The following INSR variants were observed in gnomAD, a reference collection of about 807,000 sequenced individuals.
The protein encoded by INSR is insulin receptor, also known as IR.
INSR carries 67 observed loss-of-function variants against 142.6 expected under a neutral mutation model. The observed-to-expected ratio is 0.47, with a 90% confidence interval of 0.39 to 0.58. The LOEUF is 0.58. Among genes scored for constraint, INSR ranks in the 20% least tolerant of loss-of-function variants. The pLI, the probability that INSR is intolerant of heterozygous loss-of-function variation, is 0.00. For synonymous variants in INSR, 756 were observed against 743.1 expected, an observed-to-expected ratio of 1.02 and a Z score of -0.28; for missense variants, 1,248 against 1,833.2, an observed-to-expected ratio of 0.68 and a Z score of 5.83.
At chr19:7,253,002 C>A (rs1976776285) in intron 2 of INSR, among the ~76,000 whole-genome samples, 1 of 151,858 alleles carries the variant, frequency 6.6e-6, no homozygotes, top group Non-Finnish European at 1.5e-5. Flanking sequence ...GTAGTCCCAG[C>A]TACTCAGGAG....
intron 13 of INSR, among the ~76,000 whole-genome samples, chr19:7,132,548 A>G (rs907079056): frequency 1.3e-4 from 20 of 152,026 alleles, no homozygotes; most frequent in Non-Finnish European, 2.8e-4. Context: ...CAGACTTCCT[A>G]AGCCAGAAGC....
At chr19:7,149,935 A>AGG (rs1447141389) in intron 11 of INSR, among the ~76,000 whole-genome samples, 66 of 135,510 alleles carry the variant, frequency 4.9e-4, no homozygotes, top group East Asian at 3.1e-3. Flanking sequence ...GAAAAAAAGA[A>AGG]AGAAGGAAGG....
intron 2 of INSR, among the ~76,000 whole-genome samples, chr19:7,260,244 TC>T (rs1341098491): frequency 6.6e-6 from 1 of 152,112 alleles, no homozygotes; most frequent in Non-Finnish European, 1.5e-5. Context: ...GCTTTCAGCC[TC>T]CCCCTCCTGC....
intron 1 of INSR, among the ~76,000 whole-genome samples, chr19:7,279,229 G>A (rs192301656): frequency 1.3e-5 from 2 of 152,102 alleles, no homozygotes; most frequent in Admixed American, 6.6e-5. Context: ...GGAGGCTGAC[G>A]CAGGAGGATC....
intron 2 of INSR, among the ~76,000 whole-genome samples, chr19:7,229,280 T>G (rs912654667): frequency 2.6e-5 from 3 of 117,630 alleles, no homozygotes; most frequent in African/African-American, 9.7e-5. Flanking sequence ...GATGGGCAGA[T>G]GAGCAAGTGG....
At chr19:7,173,810 C>G (rs763517497) in intron 4 of INSR, among the ~76,000 whole-genome samples, 2 of 151,600 alleles carry the variant, frequency 1.3e-5, no homozygotes, top group Non-Finnish European at 2.9e-5. Flanking sequence ...TTAGTAGAGA[C>G]AGGGTTTCAC....
chr19:7,287,611 T>C (rs929069079), intron 1 of INSR, among the ~76,000 whole-genome samples: 1 of 152,172 alleles, frequency 6.6e-6, no homozygotes, highest in Non-Finnish European at 1.5e-5. Context: ...TTTAAATAAA[T>C]ACACATGGCT....
chr19:7,219,374 T>C (rs2145093921), intron 2 of INSR, among the ~76,000 whole-genome samples: 1 of 151,822 alleles, frequency 6.6e-6, no homozygotes, highest in East Asian at 1.9e-4. Context: ...CTTCACATGT[T>C]GCTCTGATTG....
chr19:7,253,362 C>A (rs1976794273), intron 2 of INSR, among the ~76,000 whole-genome samples: 1 of 152,070 alleles, frequency 6.6e-6, no homozygotes, highest in Non-Finnish European at 1.5e-5. Context: ...CCTCAGCCCC[C>A]CGAGTAGCTG....
At chr19:7,202,689 C>T (rs11881212) in intron 2 of INSR, among the ~76,000 whole-genome samples, 3 of 151,952 alleles carry the variant, frequency 2.0e-5, no homozygotes, top group Non-Finnish European at 2.9e-5. Context: ...TTAGTAGAGA[C>T]GGGGTTTCAC....
chr19:7,257,679 AG>A (rs1243450599), intron 2 of INSR, among the ~76,000 whole-genome samples: 4 of 151,854 alleles, frequency 2.6e-5, no homozygotes, highest in Non-Finnish European at 5.9e-5. Flanking sequence ...GAAGGAAGAA[AG>A]GAAGGAGGGA....
chr19:7,143,224 T>G, intron 11 of INSR, 134 bp from the exon 12 acceptor site: 1 of 957,720 alleles, frequency 1.0e-6, no homozygotes, highest in East Asian at 2.5e-5. Context: ...GGAACATGGA[T>G]TACAATACAG....
intron 1 of INSR, chr19:7,268,659 A>G: frequency 1.0e-6 from 1 of 957,228 alleles, no homozygotes; most frequent in Non-Finnish European, 1.2e-6. Context: ...AGAAGAAGTG[A>G]AACAACTCAG....
chr19:7,167,941 C>T (rs2144943445), intron 7 of INSR, 27 bp downstream of exon 7: 1 of 1,613,620 alleles, frequency 6.2e-7, no homozygotes, highest in East Asian at 2.2e-5. Flanking sequence ...CTCGCCTCCT[C>T]AGCGTCTCTC....
At position 7,117,090 on chromosome 19, in the gene INSR, C is replaced by T. The variant is rs757977053; in HGVS notation, c.4115G>A (p.Arg1372Gln). 10 of 1,613,994 alleles carry T rather than the reference C, an allele frequency of 6.2e-6. No homozygotes were observed. The East Asian group carries it at 1.3e-4, about 22-fold the overall frequency. The change falls in exon 22 of 22, where the codon CGG (arginine) becomes CAG (glutamine). Residue 1372 changes from arginine (R) to glutamine (Q), a missense_variant. Coordinates refer to ENST00000302850, the MANE Select transcript of INSR (RefSeq NM_000208.4). ...ATTGGACCGAGGCAAGGTCAGAATC[C>T]GCCCGTTTTTCTTGCCTCCGTTCAT... The part of the protein sequence containing the change: ...THMNGGKKNG[R>Q]ILTLPRSNPS
rs1675368110 is a variant in INSR at position 7,170,520 on chromosome 19, G to A, written c.1483+17C>T. On this transcript the variant is annotated intron_variant, in intron 6 of 21. Transcript: ENST00000302850. Reference sequence around the variant, plus strand: ...ACCGGTCCCTCATGCCAAAAAGGTTGGGGACCAGTGACTTACAGGATGCCT... The same window carrying A: ...ACCGGTCCCTCATGCCAAAAAGGTTAGGGACCAGTGACTTACAGGATGCCT... The A allele has an allele frequency of 6.3e-7, 1 of 1,596,886 alleles. No individual in the cohort carries two copies. The highest frequency in any genetic ancestry group is 1.1e-5 in the South Asian group (1 of 90,650).
Position 7,293,870 on chromosome 19 carries a change from C to T in INSR, c.22G>A (p.Gly8Arg). The T allele has an allele frequency of 8.1e-7, 1 of 1,239,434 alleles. No homozygotes were observed. The highest frequency in any genetic ancestry group is 3.4e-5 in the East Asian group (1 of 29,108). 76.8% of individuals were successfully genotyped at this position (1,239,434 alleles called of 1,614,324 possible). A position where few individuals can be genotyped will look rare whatever the true frequency, so the allele number is the denominator to read the frequency against. The change falls in exon 1 of 22, where the codon GGG (glycine) becomes AGG (arginine). Residue 8 changes from glycine (G) to arginine (R), a missense_variant. Around this residue, in one of 3 missense-constraint regions of INSR, gnomAD observed 57 missense variants for 49.5 expected, o/e 1.15. Transcript: ENST00000302850. MATGGRR[G>R]AAAAPLLVAV... ...ACCAGCAGCGGCGCGGCCGCCGCCC[C>T]CCGCCGGCCCCCGGTGGCCATGGCT... is the stretch of plus-strand genomic sequence containing the variant.
chr19:7,118,518 A>G (rs949981526), intron 21 of INSR, among the ~76,000 whole-genome samples: 2 of 151,544 alleles, frequency 1.3e-5, no homozygotes, highest in African/African-American at 2.4e-5. Context: ...GGGTTTCACC[A>G]TGTTGGCCAG....
intron 2 of INSR, among the ~76,000 whole-genome samples, chr19:7,196,352 ATATAT>A (rs1331003181): frequency 2.0e-5 from 3 of 152,232 alleles, no homozygotes; most frequent in African/African-American, 7.2e-5. Context: ...GTGTGCATAA[ATATAT>A]TAGAAAGGTA....
Sources: allele counts gnomAD v4.1 joint callset (sites outside exome capture counted in the v4.1 genomes callset), GRCh38; gene constraint gnomAD v4.1.1; regional missense constraint gnomAD v4.1.1; transcripts MANE v1.5; gene names NCBI Gene and HGNC (gene_info 2026-07-23, HGNC 2026-07-21).